FHIP1A: variants seen among roughly 807,000 people sequenced by gnomAD.
FHIP1A encodes FHF complex subunit HOOK interacting protein 1A.
Under a neutral mutation model 88.6 loss-of-function variants are expected in FHIP1A, and 61 were observed. The observed-to-expected ratio is 0.69, with a 90% CI of 0.56 to 0.85. The LOEUF is 0.85. Ranked by LOEUF, FHIP1A falls within the 40% of genes least tolerant of loss-of-function variation. The pLI is 0.00. For synonymous variants in FHIP1A, 478 were observed against 496.0 expected (o/e 0.96, Z 0.48); for missense variants, 1,154 against 1,273.5 (o/e 0.91, Z 1.43).
chr4:151,452,623 A>G (rs1244983610), intron 1 of FHIP1A, among the ~76,000 whole-genome samples: 1 of 152,140 alleles, frequency 6.6e-6, no homozygotes, highest in Non-Finnish European at 1.5e-5. Context: ...AGATGTATAT[A>G]TAAACTAGCT....
chr4:151,608,730 A>G (rs1390412780), intron 7 of FHIP1A, among the ~76,000 whole-genome samples: 4 of 152,172 alleles, frequency 2.6e-5, no homozygotes, highest in African/African-American at 4.8e-5. Context: ...TTTGTCTTCT[A>G]TGGTAATCCC....
At chr4:151,533,841 TTTAA>T (rs926920072) in intron 3 of FHIP1A, among the ~76,000 whole-genome samples, 2 of 152,326 alleles carry the variant, frequency 1.3e-5, no homozygotes, top group Admixed American at 6.5e-5. Context: ...TATGAGCATT[TTTAA>T]TTAGTCTTCA....
chr4:151,660,478 A>C (rs1402958709), intron 13 of FHIP1A, among the ~76,000 whole-genome samples: 1 of 152,234 alleles, frequency 6.6e-6, no homozygotes, highest in Non-Finnish European at 1.5e-5. Context: ...TGCAGGGAGA[A>C]TCAGGAGTAG....
chr4:151,650,649 G>A (rs1315350046), intron 11 of FHIP1A, 57 bp downstream of exon 11: 2 of 1,481,388 alleles, frequency 1.4e-6, no homozygotes, highest in Non-Finnish European at 1.8e-6. Flanking sequence ...GTATATATTG[G>A]AACAGGAAAG....
intron 1 of FHIP1A, among the ~76,000 whole-genome samples, chr4:151,454,159 T>G: frequency 9.2e-6 from 1 of 108,576 alleles, no homozygotes; most frequent in Admixed American, 8.4e-5. Context: ...GATTTTATTA[T>G]GGAAAAGTGT....
intron 1 of FHIP1A, among the ~76,000 whole-genome samples, chr4:151,450,659 CAACAAAT>C (rs1259240567): frequency 6.6e-6 from 1 of 152,150 alleles, no homozygotes; most frequent in Non-Finnish European, 1.5e-5. Context: ...AAAATTGTTG[CAACAAAT>C]GTCTTTAAGA....
At chr4:151,630,331 GA>G (rs779806844) in intron 8 of FHIP1A, among the ~76,000 whole-genome samples, 4 of 152,114 alleles carry the variant, frequency 2.6e-5, no homozygotes, top group Non-Finnish European at 5.9e-5. Flanking sequence ...TCTTCATTTT[GA>G]AGCTCTGATT....
Position 151,666,975 on chromosome 4 carries a change from T to G in FHIP1A, c.*4221T>G, listed in dbSNP as rs1008989333. Among the ~76,000 whole-genome samples, 2 of 152,258 alleles carry G rather than the reference T, an allele frequency of 1.3e-5. No individual in the cohort carries two copies. The highest frequency in any genetic ancestry group is 2.9e-5 in the Non-Finnish European group (2 of 68,048). Reference sequence around the variant, plus strand: ...ATCTGCATATGCCCCAGTTCTCATTTAAGGGCAGTTCAATGTAATTGCTAA... The same window carrying G: ...ATCTGCATATGCCCCAGTTCTCATTGAAGGGCAGTTCAATGTAATTGCTAA... On this transcript the variant is annotated 3_prime_UTR_variant, in exon 14 of 14. Coordinates refer to ENST00000435205, the MANE Select transcript of FHIP1A (RefSeq NM_001109977.3).
intron 10 of FHIP1A, among the ~76,000 whole-genome samples, chr4:151,647,884 G>A (rs542248060): frequency 2.0e-5 from 3 of 152,284 alleles, no homozygotes; most frequent in East Asian, 3.9e-4. Flanking sequence ...CTCTCCTGGT[G>A]TGATCACTTT....
At chr4:151,603,679 C>T (rs1250077875) in intron 7 of FHIP1A, among the ~76,000 whole-genome samples, 1 of 152,174 alleles carries the variant, frequency 6.6e-6, no homozygotes. Context: ...CCGAGGCTAG[C>T]TTAATTCATC....
chr4:151,618,476 T>C (rs1056448772), intron 7 of FHIP1A, among the ~76,000 whole-genome samples: 1 of 152,222 alleles, frequency 6.6e-6, no homozygotes, highest in Non-Finnish European at 1.5e-5. Context: ...TTCAGTTCTT[T>C]AATATTTGAT....
chr4:151,633,069 T>C (rs1736216291), intron 8 of FHIP1A, among the ~76,000 whole-genome samples: 1 of 151,836 alleles, frequency 6.6e-6, no homozygotes, highest in Non-Finnish European at 1.5e-5. Context: ...GACCATTAGC[T>C]GGATTAACTA....
At chr4:151,525,904 G>GCCT (rs1731613031) in intron 3 of FHIP1A, among the ~76,000 whole-genome samples, 3 of 151,990 alleles carry the variant, frequency 2.0e-5, no homozygotes, top group African/African-American at 7.2e-5. Context: ...GGACCCTGCG[G>GCCT]CCTTCCGCAG....
At chr4:151,588,003 C>A (rs775631795) in intron 6 of FHIP1A, among the ~76,000 whole-genome samples, 20 of 151,930 alleles carry the variant, frequency 1.3e-4, no homozygotes, top group Non-Finnish European at 2.9e-4. Context: ...TTGCTTTTTA[C>A]TTTATTGTTT....
rs1165796604 is a variant in FHIP1A, at chr4:151,649,997, C to T, written c.1956C>T (p.Asp652=). ...VMVYRLCAEK[D]SEDMKDSQEE... is the part of the protein sequence containing the mutation. ...TGTACAGGCTGTGTGCTGAGAAGGA[C>T]TCCGAGGACATGAAGGATTCTCAGG... Residue 652 remains aspartate, a synonymous_variant, in exon 11 of 14, where the codon GAC becomes GAT. Transcript: ENST00000435205. The T allele has an allele frequency of 6.4e-7, 1 of 1,551,530 alleles. No individual in the cohort carries two copies. Among genetic ancestry groups the T allele is most frequent in the Non-Finnish European group, 8.7e-7 (1 of 1,147,006 alleles).
chr4:151,619,130 G>A (rs1735648423), intron 7 of FHIP1A, among the ~76,000 whole-genome samples: 1 of 152,130 alleles, frequency 6.6e-6, no homozygotes, highest in African/African-American at 2.4e-5. Context: ...GGGTTTCCAG[G>A]ACAGCCTTAT....
chr4:151,474,437 T>G (rs539234568), intron 2 of FHIP1A, among the ~76,000 whole-genome samples: 1 of 152,306 alleles, frequency 6.6e-6, no homozygotes, highest in African/African-American at 2.4e-5. Context: ...CTGTACTGTT[T>G]AGTGTCAGAA....
intron 7 of FHIP1A, among the ~76,000 whole-genome samples, chr4:151,627,722 G>T (rs771082594): frequency 6.6e-6 from 1 of 151,446 alleles, no homozygotes; most frequent in Non-Finnish European, 1.5e-5. Flanking sequence ...GGTGACATCA[G>T]TTATTACAGA....
At position 151,515,330 on chromosome 4, in the gene FHIP1A, A is replaced by G. The variant is rs1206062109; in HGVS notation, c.-123+32682A>G. On this transcript the variant is annotated intron_variant, in intron 3 of 13. Coordinates refer to ENST00000435205, the MANE Select transcript of FHIP1A (RefSeq NM_001109977.3). ...AAAATAATAAGAGCTATCTATGACA[A>G]ACCCACAGCCAATATCATACTGAAT... 7.3e-5 allele frequency among the ~76,000 whole-genome samples: 11 copies of G among 151,570 alleles called. No individual in the cohort carries two copies. The East Asian group carries it at 9.7e-4, about 13-fold the overall frequency.
Sources: gnomAD v4.1 joint callset for allele counts (sites outside exome capture counted in the v4.1 genomes callset) on GRCh38, gnomAD v4.1.1 for gene constraint, MANE v1.5 for transcripts, NCBI Gene and HGNC (gene_info 2026-07-23, HGNC 2026-07-21) for gene names.